Variants in ITGA1 observed in about 807,000 individuals in gnomAD.
The protein encoded by ITGA1 is integrin subunit alpha 1, also known as integrin alpha-1.
ITGA1 carries 85 observed loss-of-function variants against 145.9 expected under a neutral mutation model. The observed-to-expected ratio is 0.58, with a 90% CI of 0.49 to 0.70. The LOEUF (loss-of-function observed/expected upper bound fraction) is 0.70, where lower values mean the gene tolerates loss of function less well. Among genes scored for constraint, ITGA1 ranks in the 30% least tolerant of loss-of-function variants. The probability of loss-of-function intolerance (pLI) is 0.00; values close to 1 mark genes in which losing one functional copy is unlikely to be tolerated. For missense variants in ITGA1, 1,351 were observed against 1,418.7 expected (o/e 0.95, Z 0.77); for synonymous variants, 520 against 495.3 (o/e 1.05, Z -0.66).
intron 20 of ITGA1, among the ~76,000 whole-genome samples, chr5:52,927,976 C>T (rs755643910): frequency 1.3e-5 from 2 of 152,078 alleles, no homozygotes; most frequent in African/African-American, 4.8e-5. Flanking sequence ...ACTGCTCACC[C>T]CTTCTACCAT....
Position 52,881,904 on chromosome 5 carries a change from C to T in ITGA1, c.656C>T (p.Thr219Ile), listed in dbSNP as rs759058873. Reference protein sequence around the residue: ...VGIVQYGENVTHEFNLNKYSS... With the variant: ...VGIVQYGENVIHEFNLNKYSS... ...ATTGTACAGTATGGAGAAAACGTGA[C>T]CCATGAGTTCAACCTCAATAAGTAT... The change falls in exon 7 of 29, where the codon ACC (threonine) becomes ATC (isoleucine). Residue 219 changes from threonine (T) to isoleucine (I), a missense_variant. By Grantham distance (89) the Thr-to-Ile change is moderately conservative (BLOSUM62 -1). Coordinates refer to ENST00000282588, the MANE Select transcript of ITGA1 (RefSeq NM_181501.2). 4.3e-6 allele frequency: 7 copies of T among 1,613,696 alleles called. No individual in the cohort carries two copies. In the Admixed American group the frequency reaches 8.3e-5, roughly 19 times the overall value.
chr5:52,790,029 G>A (rs921130413), intron 1 of ITGA1, among the ~76,000 whole-genome samples: 4 of 152,110 alleles, frequency 2.6e-5, no homozygotes, highest in East Asian at 3.8e-4. Flanking sequence ...ATCTGAAATT[G>A]GACTGCTTTC....
chr5:52,800,433 G>A (rs781139548), intron 1 of ITGA1: 20 of 1,613,906 alleles, frequency 1.2e-5, no homozygotes, highest in Non-Finnish European at 1.7e-6. Context: ...AGGACAATGC[G>A]GGCCAGGTGA....
intron 21 of ITGA1, among the ~76,000 whole-genome samples, chr5:52,930,306 A>G (rs1409041605): frequency 1.3e-5 from 2 of 152,176 alleles, no homozygotes; most frequent in East Asian, 1.9e-4. Context: ...TATAATCACT[A>G]CATAGATGTA....
At chr5:52,837,161 A>G (rs1749173034) in intron 1 of ITGA1, among the ~76,000 whole-genome samples, 2 of 152,326 alleles carry the variant, frequency 1.3e-5, no homozygotes, top group African/African-American at 4.8e-5. Context: ...ATGAATCAGC[A>G]TGGCTGATGA....
chr5:52,896,035 C>A (rs949196723), intron 9 of ITGA1, among the ~76,000 whole-genome samples: 1 of 152,154 alleles, frequency 6.6e-6, no homozygotes, highest in Non-Finnish European at 1.5e-5. Context: ...CTTAGTACAT[C>A]AGAAAATAGT....
chr5:52,850,479 A>T (rs1284771269), intron 2 of ITGA1, among the ~76,000 whole-genome samples: 1 of 152,180 alleles, frequency 6.6e-6, no homozygotes, highest in Non-Finnish European at 1.5e-5. Flanking sequence ...AAACAAGCCT[A>T]CATTTTTAGT....
In ITGA1 at chr5:52,893,847, C is replaced by A; in HGVS notation, c.1090+7C>A. On this transcript the variant is annotated splice_region_variant and intron_variant, in intron 9 of 28. Coordinates refer to ENST00000282588, the MANE Select transcript of ITGA1 (RefSeq NM_181501.2). Reference sequence around the variant, plus strand: ...AGAATATTTGCCCTGGAAGGTATGTCTATTTATCTTATTGCTGCATGTTCT... The same window carrying A: ...AGAATATTTGCCCTGGAAGGTATGTATATTTATCTTATTGCTGCATGTTCT... 6.3e-7 allele frequency: 1 copy of A among 1,597,430 alleles called. No homozygotes were observed. Among genetic ancestry groups the A allele is most frequent in the Non-Finnish European group, 8.6e-7 (1 of 1,168,584 alleles).
chr5:52,852,476 AAT>A (rs2111756451), intron 2 of ITGA1, among the ~76,000 whole-genome samples: 1 of 152,324 alleles, frequency 6.6e-6, no homozygotes, highest in South Asian at 2.1e-4. Context: ...TGAATCAGTA[AAT>A]CTTGGTGGAA....
In ITGA1 at chr5:52,849,645, TA is replaced by T. The variant is rs201300374; in HGVS notation, c.182+173del. 5.8e-3 allele frequency among the ~76,000 whole-genome samples: 850 copies of T among 147,032 alleles called. 5 individuals carry two copies. The highest frequency in any genetic ancestry group is 0.022 in the Middle Eastern group (6 of 278). ...TTTGGCAATGGAAGCTAACTTAAAG[TA>T]AAAAAAAAAAAATTCCTTGGCAATA... is the stretch of plus-strand genomic sequence containing the variant. On this transcript the variant is annotated intron_variant, in intron 2 of 28. Transcript: ENST00000282588.
intron 1 of ITGA1, among the ~76,000 whole-genome samples, chr5:52,842,026 G>T (rs1749261972): frequency 1.3e-5 from 2 of 152,174 alleles, no homozygotes; most frequent in Non-Finnish European, 2.9e-5. Flanking sequence ...TCAGGTCGGT[G>T]AATTCCTTAG....
At chr5:52,849,576 T>A in intron 2 of ITGA1, 91 bp downstream of exon 2, 1 of 1,133,366 alleles carries the variant, frequency 8.8e-7, no homozygotes, top group Non-Finnish European at 1.2e-6. Context: ...TGAATGAAAC[T>A]TTAACAGAAT....
chr5:52,871,432 C>T (rs1037207870), intron 6 of ITGA1, among the ~76,000 whole-genome samples: 1 of 152,028 alleles, frequency 6.6e-6, no homozygotes, highest in South Asian at 2.1e-4. Flanking sequence ...ATTCTAATTA[C>T]ACCTCCTGTA....
Position 52,788,213 on chromosome 5 carries a change from C to T in ITGA1, c.-141C>T. ...AACACAGGAAATCACTCCTCTCCCG[C>T]TCCTGGGCGCCGCTGCCACTGGGGC... On this transcript the variant is annotated 5_prime_UTR_variant, in exon 1 of 29. Coordinates refer to ENST00000282588, the MANE Select transcript of ITGA1 (RefSeq NM_181501.2). 1 of 545,680 alleles carries T rather than the reference C, an allele frequency of 1.8e-6. No individual in the cohort carries two copies. Among genetic ancestry groups the T allele is most frequent in the South Asian group, 2.7e-5 (1 of 37,376 alleles). The allele number at this position is 545,680 out of a possible 1,614,324, so 33.8% of individuals were successfully genotyped here. A position where few individuals can be genotyped will look rare whatever the true frequency, so the allele number is the denominator to read the frequency against.
At chr5:52,893,028 G>C (rs1750174453) in intron 8 of ITGA1, among the ~76,000 whole-genome samples, 1 of 151,852 alleles carries the variant, frequency 6.6e-6, no homozygotes, top group Non-Finnish European at 1.5e-5. Context: ...CTAAATGTTT[G>C]AGAAAACCTG....
intron 28 of ITGA1, among the ~76,000 whole-genome samples, chr5:52,950,470 G>A (rs1425844886): frequency 6.6e-6 from 1 of 152,064 alleles, no homozygotes. Flanking sequence ...CACCTCATTA[G>A]AGCCTTTGCC....
chr5:52,922,968 T>A (rs971660982), intron 18 of ITGA1, 81 bp downstream of exon 18: 6 of 751,690 alleles, frequency 8.0e-6, no homozygotes, highest in Non-Finnish European at 1.3e-5. Flanking sequence ...TTTTCACTAC[T>A]CTGCATTGAT....
chr5:52,941,585 A>C (rs1751055191), intron 26 of ITGA1, among the ~76,000 whole-genome samples: 1 of 152,044 alleles, frequency 6.6e-6, no homozygotes, highest in East Asian at 1.9e-4. Flanking sequence ...TGTTTTAAGG[A>C]GTCTATTCAT....
intron 1 of ITGA1, among the ~76,000 whole-genome samples, chr5:52,846,207 C>G (rs1469559295): frequency 6.6e-6 from 1 of 152,104 alleles, no homozygotes; most frequent in African/African-American, 2.4e-5. Context: ...TTGAGACCAG[C>G]CTGGCCAACA....
Sources: allele counts gnomAD v4.1 joint callset (sites outside exome capture counted in the v4.1 genomes callset), GRCh38; gene constraint gnomAD v4.1.1; transcripts MANE v1.5; gene names NCBI Gene and HGNC (gene_info 2026-07-23, HGNC 2026-07-21).